ANAPC1: variants seen among roughly 807,000 people sequenced by gnomAD.
ANAPC1 encodes the protein anaphase promoting complex subunit 1, also known as anaphase-promoting complex subunit 1.
ANAPC1 carries 36 observed loss-of-function variants against 208.0 expected under a neutral mutation model. The observed-to-expected ratio is 0.17, with a 90% CI of 0.13 to 0.23. The LOEUF is 0.23. Among genes scored for constraint, ANAPC1 ranks in the 10% least tolerant of loss-of-function variants. ANAPC1 has a pLI of 1.00. For missense variants in ANAPC1, 942 were observed against 2,011.6 expected, an observed-to-expected ratio of 0.47 and a Z score of 10.17; for synonymous variants, 378 against 695.2, an observed-to-expected ratio of 0.54 and a Z score of 7.18.
intron 42 of ANAPC1, among the ~76,000 whole-genome samples, 190 bp from the exon 43 acceptor site, chr2:111,782,697 T>C (rs1432700013): frequency 6.6e-6 from 1 of 152,152 alleles, no homozygotes; most frequent in Non-Finnish European, 1.5e-5. Flanking sequence ...CTGTTTTTCT[T>C]TGGTGTCTAG....
intron 15 of ANAPC1, 97 bp downstream of exon 15, chr2:111,847,628 G>T (rs1334609813): frequency 7.6e-7 from 1 of 1,318,430 alleles, no homozygotes; most frequent in Non-Finnish European, 9.9e-7. Flanking sequence ...TAAATCATGA[G>T]AAATGTTTGT....
At chr2:111,848,009 G>C (rs1573454868) in intron 14 of ANAPC1, 144 bp from the exon 15 acceptor site, 1 of 544,880 alleles carries the variant, frequency 1.8e-6, no homozygotes, top group East Asian at 3.2e-5. Flanking sequence ...AGCCAAGCAT[G>C]GTGGTGCACA....
chr2:111,872,431 T>G (rs532546351), intron 6 of ANAPC1, among the ~76,000 whole-genome samples, 199 bp downstream of exon 6: 6 of 152,282 alleles, frequency 3.9e-5, no homozygotes, highest in African/African-American at 1.4e-4. Context: ...ATGCTGGAGC[T>G]CAACAAGTTG....
At chr2:111,865,578 C>A (rs1240691353) in intron 7 of ANAPC1, among the ~76,000 whole-genome samples, 1 of 152,122 alleles carries the variant, frequency 6.6e-6, no homozygotes, top group Non-Finnish European at 1.5e-5. Context: ...AAATAAAAAT[C>A]ATGCCACCAT....
At chr2:111,816,255 C>T (rs1442456958) in intron 27 of ANAPC1, among the ~76,000 whole-genome samples, 1 of 147,492 alleles carries the variant, frequency 6.8e-6, no homozygotes, top group Non-Finnish European at 1.5e-5. Flanking sequence ...CAGACAGAGA[C>T]TGCATCTCAA....
In ANAPC1 at chr2:111,833,258, A is replaced by G. The variant is rs1680261177; in HGVS notation, c.2438T>C (p.Leu813Pro). The G allele has an allele frequency of 6.2e-7, 1 of 1,602,856 alleles. No individual in the cohort carries two copies. The highest frequency in any genetic ancestry group is 1.3e-5 in the African/African-American group (1 of 74,810). Residue 813 changes from leucine to proline, a missense_variant, in exon 20 of 48, where the codon CTT becomes CCT. By Grantham distance (98) the Leu-to-Pro change is moderately conservative. Coordinates refer to ENST00000341068, the MANE Select transcript of ANAPC1 (RefSeq NM_022662.4). ...GCACACTTGTCCAGTAGTTCTGACAAGCGTTGGGTAGTCTCTATAGTAATG... is the reference window on the plus strand; with the variant it reads ...GCACACTTGTCCAGTAGTTCTGACAGGCGTTGGGTAGTCTCTATAGTAATG... ...VDHYYRDYPT[L>P]VRTTGQVCTI...
intron 8 of ANAPC1, 93 bp downstream of exon 8, chr2:111,864,713 T>G: frequency 6.3e-7 from 1 of 1,586,482 alleles, no homozygotes; most frequent in Non-Finnish European, 8.6e-7. Context: ...TCCGCCTGCC[T>G]TGGCCTCCCA....
At chr2:111,813,748 C>T (rs1298573083) in intron 28 of ANAPC1, among the ~76,000 whole-genome samples, 1 of 151,962 alleles carries the variant, frequency 6.6e-6, no homozygotes, top group African/African-American at 2.4e-5. Context: ...AACCAATTTA[C>T]CCAGTGGTTC....
chr2:111,807,533 T>C (rs1303987333), intron 29 of ANAPC1, among the ~76,000 whole-genome samples: 1 of 151,124 alleles, frequency 6.6e-6, no homozygotes, highest in East Asian at 2.0e-4. Flanking sequence ...CTACTAAAAA[T>C]ACAAAATAAT....
At chr2:111,836,526 T>TA (rs139050248) in intron 18 of ANAPC1, among the ~76,000 whole-genome samples, 8,020 of 150,980 alleles carry the variant, frequency 0.053, 678 homozygotes, top group African/African-American at 0.18. Context: ...AGCATACCGG[T>TA]AGTCCTAGCT....
intron 1 of ANAPC1, among the ~76,000 whole-genome samples, chr2:111,882,010 C>T (rs1683323650): frequency 6.6e-6 from 1 of 152,112 alleles, no homozygotes; most frequent in African/African-American, 2.4e-5. Flanking sequence ...TGGTGAAACT[C>T]CATCTCTACT....
In ANAPC1 at chr2:111,857,968, T is replaced by TTATA. The variant is rs4019130; in HGVS notation, c.1358+334_1358+337dup. On this transcript the variant is annotated intron_variant, in intron 11 of 47. Transcript: ENST00000341068. ...AAAAGGTACACTGTGTGTACATACATTATATATATATAAATGTCCAGAAAA... is the reference window on the plus strand; with the variant it reads ...AAAAGGTACACTGTGTGTACATACATTATATATATATATATAAATGTCCAGAAAA... Among the ~76,000 whole-genome samples the TTATA allele has an allele frequency of 8.0e-4, 120 of 150,842 alleles. 1 individual carries two copies. The highest frequency in any genetic ancestry group is 1.8e-3 in the African/African-American group (76 of 41,164).
chr2:111,767,344 C>T (rs2953719), downstream of ANAPC1, among the ~76,000 whole-genome samples: 8,516 of 146,064 alleles, frequency 0.058, 394 homozygotes, highest in African/African-American at 0.13. Flanking sequence ...CTTTGAGCCA[C>T]GGCTCTAAGG....
chr2:111,827,156 T>C (rs1679881355), intron 21 of ANAPC1, among the ~76,000 whole-genome samples: 1 of 152,114 alleles, frequency 6.6e-6, no homozygotes, highest in Non-Finnish European at 1.5e-5. Context: ...TTCCAACAGG[T>C]ATCGAATAGT....
intron 47 of ANAPC1, 78 bp downstream of exon 47, chr2:111,772,263 G>T: frequency 6.8e-6 from 11 of 1,606,590 alleles, no homozygotes; most frequent in Non-Finnish European, 9.4e-6. Context: ...CAAACTAGGG[G>T]CAGTAACTAC....
chr2:111,824,882 G>A (rs1377308459), intron 24 of ANAPC1, 84 bp downstream of exon 24: 2 of 1,472,972 alleles, frequency 1.4e-6, no homozygotes, highest in Non-Finnish European at 1.9e-6. Flanking sequence ...CACAAAGCCA[G>A]AGCCCCTCTC....
intron 46 of ANAPC1, among the ~76,000 whole-genome samples, chr2:111,772,685 A>T (rs1312498005): frequency 6.6e-6 from 1 of 151,828 alleles, no homozygotes; most frequent in Non-Finnish European, 1.5e-5. Flanking sequence ...CAGATATTAC[A>T]CAAATAATGA....
chr2:111,828,441 TA>T (rs1170101135), intron 21 of ANAPC1, among the ~76,000 whole-genome samples: 1 of 151,966 alleles, frequency 6.6e-6, no homozygotes, highest in African/African-American at 2.4e-5. Context: ...CACCACCAGG[TA>T]TATATTAAAA....
intron 28 of ANAPC1, among the ~76,000 whole-genome samples, chr2:111,813,489 A>G (rs1573377568): frequency 1.3e-5 from 2 of 150,654 alleles, no homozygotes; most frequent in Non-Finnish European, 1.5e-5. Context: ...TGGCTGAGCT[A>G]CAACAGTCTC....
Sources: allele counts gnomAD v4.1 joint callset (sites outside exome capture counted in the v4.1 genomes callset), GRCh38; gene constraint gnomAD v4.1.1; transcripts MANE v1.5; gene names NCBI Gene and HGNC (gene_info 2026-07-23, HGNC 2026-07-21).